The following TASL variants were observed in gnomAD, a reference collection of about 807,000 sequenced individuals.
TASL encodes TLR adapter interacting with SLC15A4 on the lysosome.
TASL carries 6 observed loss-of-function variants against 12.9 expected under a neutral mutation model. That is an observed-to-expected ratio of 0.46 (90% CI 0.25 to 0.92). The LOEUF (loss-of-function observed/expected upper bound fraction) is 0.92, where lower values mean the gene tolerates loss of function less well. Ranked by LOEUF, TASL falls within the 40% of genes least tolerant of loss-of-function variation. The probability of loss-of-function intolerance (pLI) is 0.17; values close to 1 mark genes in which losing one functional copy is unlikely to be tolerated. For synonymous variants in TASL, 85 were observed against 79.3 expected, an observed-to-expected ratio of 1.07 and a Z score of -0.38; for missense variants, 165 against 212.8, an observed-to-expected ratio of 0.78 and a Z score of 1.40.
At position 30,566,421 on chromosome X, in the gene TASL, C is replaced by T. The variant is rs192173883; in HGVS notation, c.-1-6065G>A. ...ACTCAGGAGGATGAGGCAGGAGAAT[C>T]GCTTGAACCCAGGAGGTGGAGGTTG... On this transcript the variant is annotated intron_variant, in intron 2 of 2. Coordinates refer to ENST00000378962, the MANE Select transcript of TASL (RefSeq NM_025159.3). Among the ~76,000 whole-genome samples, 3 of 110,857 alleles carry T rather than the reference C, an allele frequency of 2.7e-5. No homozygotes were observed. The East Asian group carries it at 8.6e-4, about 32-fold the overall frequency.
In TASL at chrX:30,559,468, A is replaced by T. The variant is rs1286069579; in HGVS notation, c.888T>A (p.Tyr296Ter). 1.7e-6 allele frequency: 2 copies of T among 1,186,250 alleles called. No homozygotes were observed. The highest frequency in any genetic ancestry group is 2.3e-6 in the Non-Finnish European group (2 of 881,757). ...ISTPSLHISQYSNVNP is the reference protein window; with the variant it reads ...ISTPSLHISQ ...ATCCTCTCTATGGATTTACATTGCTATACTGAGAAATATGGAGACTAGGAG... is the reference window on the plus strand; with the variant it reads ...ATCCTCTCTATGGATTTACATTGCTTTACTGAGAAATATGGAGACTAGGAG... Residue 296 changes from tyrosine to a stop codon, truncating the protein, a stop_gained, in exon 3 of 3, where the codon TAT becomes TAA. Coordinates refer to ENST00000378962, the MANE Select transcript of TASL (RefSeq NM_025159.3). LOFTEE classifies it high-confidence loss of function.
At chrX:30,560,985 G>A (rs1661232506) in intron 2 of TASL, among the ~76,000 whole-genome samples, 2 of 111,676 alleles carry the variant, frequency 1.8e-5, no homozygotes. Context: ...TGGATTATGA[G>A]CAAAACAATG....
intron 2 of TASL, among the ~76,000 whole-genome samples, chrX:30,570,507 G>C (rs1440089181): frequency 9.0e-6 from 1 of 111,415 alleles, no homozygotes; most frequent in African/African-American, 3.3e-5. Context: ...AAATTGAGTA[G>C]TGTCCAAAAT....
intron 2 of TASL, among the ~76,000 whole-genome samples, chrX:30,571,256 GAGAAAGAAAGAAAGAA>G (rs58163494): frequency 0.079 from 2,885 of 36,641 alleles, 98 homozygotes; most frequent in Middle Eastern, 0.14. Context: ...GAGAAAGAAA[GAGAAAGAAAGAAAGAA>G]AGAAAGAAAG....
intron 2 of TASL, among the ~76,000 whole-genome samples, chrX:30,571,586 C>G (rs935139002): frequency 7.5e-5 from 8 of 106,080 alleles, no homozygotes; most frequent in African/African-American, 2.8e-4. Flanking sequence ...TGAGATCGGG[C>G]CACTGCCCTT....
At chrX:30,563,932 A>G (rs1930462870) in intron 2 of TASL, among the ~76,000 whole-genome samples, 1 of 111,509 alleles carries the variant, frequency 9.0e-6, no homozygotes, top group Non-Finnish European at 1.9e-5. Flanking sequence ...GCCCACAATT[A>G]ATAGAGCCTA....
intron 2 of TASL, among the ~76,000 whole-genome samples, chrX:30,571,842 A>T (rs1930632206): frequency 1.8e-5 from 2 of 111,041 alleles, no homozygotes; most frequent in South Asian, 7.5e-4. Context: ...GGTATATAAA[A>T]GGTACACTTC....
intron 2 of TASL, among the ~76,000 whole-genome samples, chrX:30,567,546 A>G (rs1402674861): frequency 8.9e-6 from 1 of 111,932 alleles, no homozygotes; most frequent in East Asian, 2.8e-4. Context: ...TAATGTACAT[A>G]TAGTACAGTG....
intron 2 of TASL, among the ~76,000 whole-genome samples, chrX:30,571,260 AAGAAAGAAAGAAAGAAAGAAAG>A (rs1930599099): frequency 1.5e-4 from 1 of 6,516 alleles, no homozygotes; most frequent in Non-Finnish European, 2.8e-4. Flanking sequence ...AAGAAAGAGA[AAGAAAGAAAGAAAGAAAGAAAG>A]AAAGAAAGAA....
Position 30,560,236 on chromosome X carries a change from G to T in TASL, c.120C>A (p.Thr40=), listed in dbSNP as rs1263017396. The change falls in exon 3 of 3, where the codon ACC becomes ACA. Residue 40 remains threonine (T), a synonymous_variant. Transcript: ENST00000378962. The part of the protein sequence containing the change: ...EKEEETNSVA[T]LSYSSVDETQ... ...TTTCATCCACAGAGGAATAGGAAAG[G>T]GTAGCAACAGAATTTGTCTCCTCTT... The T allele has an allele frequency of 4.1e-6, 5 of 1,208,806 alleles. No homozygotes were observed. The African/African-American group carries it at 5.3e-5, about 13-fold the overall frequency.
intron 2 of TASL, among the ~76,000 whole-genome samples, chrX:30,562,382 C>T (rs780991716): frequency 9.0e-6 from 1 of 111,657 alleles, no homozygotes; most frequent in African/African-American, 3.3e-5. Context: ...GGTGCAGGAG[C>T]AGAAGGAGAG....
intron 2 of TASL, among the ~76,000 whole-genome samples, chrX:30,564,843 T>G (rs975609956): frequency 8.9e-6 from 1 of 111,732 alleles, no homozygotes; most frequent in African/African-American, 3.3e-5. Context: ...TAAACTCGGA[T>G]AGCCTGAGCC....
At chrX:30,565,250 A>G (rs1265373729) in intron 2 of TASL, among the ~76,000 whole-genome samples, 1 of 111,602 alleles carries the variant, frequency 9.0e-6, no homozygotes, top group Non-Finnish European at 1.9e-5. Flanking sequence ...GAGGCTCCCC[A>G]TTTTTTGTCC....
intron 2 of TASL, among the ~76,000 whole-genome samples, chrX:30,575,061 T>TA (rs1253932529): frequency 8.9e-6 from 1 of 111,877 alleles, no homozygotes; most frequent in Non-Finnish European, 1.9e-5. Context: ...AGAGTCTTGT[T>TA]AAAATCATAT....
intron 2 of TASL, among the ~76,000 whole-genome samples, chrX:30,573,304 C>T (rs1172183132): frequency 5.4e-5 from 6 of 111,977 alleles, no homozygotes; most frequent in East Asian, 5.6e-4. Flanking sequence ...CATAATAACA[C>T]GCAATTAGTC....
intron 2 of TASL, among the ~76,000 whole-genome samples, chrX:30,563,026 C>T (rs1207532221): frequency 9.1e-6 from 1 of 109,629 alleles, no homozygotes; most frequent in Non-Finnish European, 1.9e-5. Flanking sequence ...TGACAGGAGA[C>T]CTAAGAAAAC....
intron 2 of TASL, among the ~76,000 whole-genome samples, chrX:30,574,686 A>G (rs1930682408): frequency 8.9e-6 from 1 of 112,230 alleles, no homozygotes; most frequent in Admixed American, 9.5e-5. Context: ...TAGCAGGGGT[A>G]CAGTTTGGCT....
intron 2 of TASL, among the ~76,000 whole-genome samples, chrX:30,575,282 A>G (rs1163502215): frequency 8.9e-6 from 1 of 111,813 alleles, no homozygotes; most frequent in Non-Finnish European, 1.9e-5. Flanking sequence ...TCATGATTTA[A>G]TTATGATAAT....
At chrX:30,560,498 G>T in intron 2 of TASL, 142 bp from the exon 3 acceptor site, 1 of 462,152 alleles carries the variant, frequency 2.2e-6, no homozygotes, top group Non-Finnish European at 3.7e-6. Flanking sequence ...TGTGCCTACT[G>T]TGTACCAGGA....
Sources: allele counts gnomAD v4.1 joint callset (sites outside exome capture counted in the v4.1 genomes callset), GRCh38; gene constraint gnomAD v4.1.1; transcripts MANE v1.5; gene names NCBI Gene and HGNC (gene_info 2026-07-23, HGNC 2026-07-21).